Variants in FBXL4 observed in about 807,000 individuals in gnomAD.
FBXL4 encodes the protein F-box/LRR-repeat protein 4.
In FBXL4, 40 loss-of-function variants were observed where a neutral mutation model predicts 58.9. The ratio of observed to expected loss-of-function variants is 0.68; its 90% CI spans 0.53 to 0.88. FBXL4 has a LOEUF of 0.88. Ranked by LOEUF, FBXL4 falls within the 40% of genes least tolerant of loss-of-function variation. FBXL4 has a pLI of 0.00. For missense variants in FBXL4, 676 were observed against 734.4 expected, an observed-to-expected ratio of 0.92 and a Z score of 0.92; for synonymous variants, 263 against 265.5, an observed-to-expected ratio of 0.99 and a Z score of 0.09.
intron 1 of FBXL4, among the ~76,000 whole-genome samples, chr6:98,943,219 A>G (rs115762857): frequency 0.016 from 2,488 of 152,226 alleles, 63 homozygotes; most frequent in African/African-American, 0.057. Context: ...TTACAACTGT[A>G]TATGAATCTA....
chr6:98,937,110 G>A (rs1773250210), intron 1 of FBXL4, among the ~76,000 whole-genome samples: 1 of 152,114 alleles, frequency 6.6e-6, no homozygotes, highest in Non-Finnish European at 1.5e-5. Flanking sequence ...AGGAGTTTGA[G>A]ACCAGCCTGG....
rs180701333 is a variant in FBXL4 at position 98,896,612 on chromosome 6, T to C, written c.1317+2656A>G. 1,071 of 254,148 alleles carry C rather than the reference T, an allele frequency of 4.2e-3. 2 individuals are homozygous for C. Among genetic ancestry groups the C allele is most frequent in the Non-Finnish European group, 5.8e-3 (931 of 161,554 alleles). 15.7% of individuals were successfully genotyped at this position (254,148 alleles called of 1,614,324 possible). On this transcript the variant is annotated intron_variant, in intron 7 of 9. Transcript: ENST00000369244. ...AGCATCTTTAATTTTAAGTCAACCATAGATCACTGAAAACTCAGTTTTATA... is the reference window on the plus strand; with the variant it reads ...AGCATCTTTAATTTTAAGTCAACCACAGATCACTGAAAACTCAGTTTTATA...
Position 98,870,924 on chromosome 6 carries a change from A to T in FBXL4, c.*3354T>A, listed in dbSNP as rs1477203210. On this transcript the variant is annotated 3_prime_UTR_variant, in exon 10 of 10. Transcript: ENST00000369244. The stretch of plus-strand genomic sequence containing the variant: ...TGGTAAAACCCCATTTCTACTAAAA[A>T]CATAAAAATTAGTTAGGTGTGGTGG... The T allele has an allele frequency of 6.6e-6, 1 of 152,188 alleles. No homozygotes were observed. The highest frequency in any genetic ancestry group is 2.1e-4 in the South Asian group (1 of 4,818). 9.4% of individuals were successfully genotyped at this position (152,188 alleles called of 1,614,324 possible). A position where few individuals can be genotyped will look rare whatever the true frequency, so the allele number is the denominator to read the frequency against.
At chr6:98,917,194 A>T (rs1304047477) in intron 5 of FBXL4, among the ~76,000 whole-genome samples, 180 bp downstream of exon 5, 2 of 152,212 alleles carry the variant, frequency 1.3e-5, no homozygotes, top group African/African-American at 2.4e-5. Context: ...CCAAAACAAA[A>T]GCAGTGAAAT....
At chr6:98,923,889 A>G (rs1222744461) in intron 4 of FBXL4, among the ~76,000 whole-genome samples, 2 of 152,182 alleles carry the variant, frequency 1.3e-5, no homozygotes, top group Admixed American at 1.3e-4. Flanking sequence ...TAAACAATGA[A>G]ACATCTATTG....
intron 1 of FBXL4, among the ~76,000 whole-genome samples, chr6:98,939,000 C>G (rs974439076): frequency 1.9e-4 from 27 of 141,920 alleles, no homozygotes; most frequent in African/African-American, 6.1e-4. Flanking sequence ...GTTTCCACCT[C>G]AGGAGGCTGG....
chr6:98,885,556 G>A (rs979138295), intron 7 of FBXL4, among the ~76,000 whole-genome samples: 3 of 152,120 alleles, frequency 2.0e-5, no homozygotes, highest in Admixed American at 1.3e-4. Flanking sequence ...TCAAATAAGA[G>A]AGAATTCTTC....
intron 4 of FBXL4, among the ~76,000 whole-genome samples, chr6:98,922,527 T>A (rs1772623268): frequency 6.6e-6 from 1 of 152,206 alleles, no homozygotes. Flanking sequence ...GAGTTTTCCA[T>A]CACTAAATGT....
chr6:98,900,317 G>C (rs1771559414), intron 6 of FBXL4, among the ~76,000 whole-genome samples: 2 of 152,144 alleles, frequency 1.3e-5, no homozygotes, highest in South Asian at 4.1e-4. Flanking sequence ...CAGGTCTCTT[G>C]ACATAAATCT....
intron 7 of FBXL4, among the ~76,000 whole-genome samples, chr6:98,880,918 G>T (rs1770829704): frequency 6.6e-6 from 1 of 151,828 alleles, no homozygotes; most frequent in Non-Finnish European, 1.5e-5. Flanking sequence ...TTTCCCAAAG[G>T]TAAGCAATTT....
intron 7 of FBXL4, chr6:98,896,588 G>T: frequency 4.8e-6 from 1 of 206,674 alleles, no homozygotes; most frequent in Non-Finnish European, 8.5e-6. Flanking sequence ...TAAAATAACA[G>T]CATCTTTAAT....
rs1389372878 is a variant in FBXL4, at chr6:98,872,652, T to C, written c.*1626A>G. On this transcript the variant is annotated 3_prime_UTR_variant, in exon 10 of 10. Transcript: ENST00000369244. ...ACATAACAATCTCAGTTTTACCTCT[T>C]AGCCCACAAAGCCTAAAATATTTAC... The C allele has an allele frequency of 2.0e-5, 3 of 152,202 alleles. No homozygotes were observed. The highest frequency in any genetic ancestry group is 4.4e-5 in the Non-Finnish European group (3 of 68,038). 9.4% of individuals were successfully genotyped at this position (152,202 alleles called of 1,614,324 possible). A position where few individuals can be genotyped will look rare whatever the true frequency, so the allele number is the denominator to read the frequency against.
rs565775143 is a variant in FBXL4 at position 98,917,070 on chromosome 6, G to A, written c.858+304C>T. Among the ~76,000 whole-genome samples the A allele has an allele frequency of 3.3e-5, 5 of 152,166 alleles. No homozygotes were observed. In the East Asian group the frequency reaches 5.8e-4, roughly 18 times the overall value. Reference sequence around the variant, plus strand: ...AGCATGTATTGCCCACAGTTAAAGTGTAATATGAATTAAAGTGGATTGTTA... The same window carrying A: ...AGCATGTATTGCCCACAGTTAAAGTATAATATGAATTAAAGTGGATTGTTA... On this transcript the variant is annotated intron_variant, in intron 5 of 9. Transcript: ENST00000369244.
intron 7 of FBXL4, among the ~76,000 whole-genome samples, chr6:98,884,350 A>T (rs1280411273): frequency 1.3e-5 from 2 of 152,152 alleles, no homozygotes; most frequent in East Asian, 3.9e-4. Context: ...CTATCATTAT[A>T]AATGGGGAAT....
At chr6:98,886,396 C>A (rs1281556221) in intron 7 of FBXL4, among the ~76,000 whole-genome samples, 1 of 152,136 alleles carries the variant, frequency 6.6e-6, no homozygotes, top group Non-Finnish European at 1.5e-5. Flanking sequence ...TCAGACTTCT[C>A]TTCTAATTTA....
chr6:98,927,548 G>C (rs1772837936), intron 3 of FBXL4, among the ~76,000 whole-genome samples, 157 bp downstream of exon 3: 1 of 152,072 alleles, frequency 6.6e-6, no homozygotes. Context: ...ATAGTTCTTT[G>C]GTGCTGACAG....
At chr6:98,916,340 T>A (rs889821209) in intron 5 of FBXL4, among the ~76,000 whole-genome samples, 1 of 152,128 alleles carries the variant, frequency 6.6e-6, no homozygotes, top group African/African-American at 2.4e-5. Context: ...GGACAATAAA[T>A]CATGCTGCTA....
intron 6 of FBXL4, among the ~76,000 whole-genome samples, chr6:98,903,128 C>T (rs1771672756): frequency 6.6e-6 from 1 of 152,082 alleles, no homozygotes; most frequent in Non-Finnish European, 1.5e-5. Context: ...TTTAAATGTG[C>T]TTTTCTTCTT....
At chr6:98,906,212 C>T (rs1289679602) in intron 5 of FBXL4, among the ~76,000 whole-genome samples, 1 of 151,300 alleles carries the variant, frequency 6.6e-6, no homozygotes, top group African/African-American at 2.4e-5. Context: ...TTCTGGGGTA[C>T]ATGTGCAGAA....
Sources: allele counts gnomAD v4.1 joint callset (sites outside exome capture counted in the v4.1 genomes callset), GRCh38; gene constraint gnomAD v4.1.1; transcripts MANE v1.5; gene names NCBI Gene and HGNC (gene_info 2026-07-23, HGNC 2026-07-21).